The following TMEM45A variants were observed in gnomAD, a reference collection of about 807,000 sequenced individuals.
TMEM45A encodes the protein DNA polymerase-transactivated protein 4.
Under a neutral mutation model 32.0 loss-of-function variants are expected in TMEM45A, and 25 were observed. That is an observed-to-expected ratio of 0.78 (90% CI 0.57 to 1.09). The LOEUF is 1.09. TMEM45A is among the 50% of genes least tolerant of loss of function. TMEM45A has a pLI of 0.00. For synonymous variants in TMEM45A, 122 were observed against 114.8 expected (o/e 1.06, Z -0.40); for missense variants, 302 against 325.0 (o/e 0.93, Z 0.54).
At chr3:100,575,363 CTTTTTTTTTTTT>C (rs59739893) in intron 5 of TMEM45A, among the ~76,000 whole-genome samples, 8 of 62,706 alleles carry the variant, frequency 1.3e-4, no homozygotes, top group Admixed American at 4.4e-4. Context: ...TATGGATTCT[CTTTTTTTTTTTT>C]TTTTTTTTTT....
At chr3:100,545,372 A>G (rs954679821) in intron 1 of TMEM45A, among the ~76,000 whole-genome samples, 4 of 152,226 alleles carry the variant, frequency 2.6e-5, no homozygotes, top group African/African-American at 9.6e-5. Flanking sequence ...TTCTAAAAAC[A>G]TTAATAATTT....
At chr3:100,513,783 G>T (rs1200520711) in intron 1 of TMEM45A, among the ~76,000 whole-genome samples, 2 of 152,108 alleles carry the variant, frequency 1.3e-5, no homozygotes, top group Non-Finnish European at 2.9e-5. Context: ...CAAAGTCTCA[G>T]GATACAAAAT....
intron 1 of TMEM45A, among the ~76,000 whole-genome samples, chr3:100,535,763 G>C (rs1446334433): frequency 6.6e-6 from 1 of 152,258 alleles, no homozygotes; most frequent in East Asian, 1.9e-4. Flanking sequence ...AGTGACTTTT[G>C]TGTGAAAGTT....
intron 1 of TMEM45A, among the ~76,000 whole-genome samples, chr3:100,553,576 G>A (rs1706151895): frequency 6.6e-6 from 1 of 152,082 alleles, no homozygotes; most frequent in South Asian, 2.1e-4. Flanking sequence ...CCATATGATT[G>A]CCTAAACCAA....
intron 1 of TMEM45A, among the ~76,000 whole-genome samples, chr3:100,510,867 T>G (rs1327657254): frequency 1.3e-5 from 2 of 151,890 alleles, no homozygotes; most frequent in East Asian, 1.9e-4. Context: ...GGAAGAAAGG[T>G]TATCAGCAGT....
chr3:100,518,282 T>C (rs544623882), intron 1 of TMEM45A, among the ~76,000 whole-genome samples: 1 of 152,350 alleles, frequency 6.6e-6, no homozygotes, highest in Non-Finnish European at 1.5e-5. Context: ...ATTTCCTCAC[T>C]TTCTTCCAAG....
At chr3:100,496,526 C>T (rs1181834904) in intron 1 of TMEM45A, among the ~76,000 whole-genome samples, 2 of 152,166 alleles carry the variant, frequency 1.3e-5, no homozygotes, top group African/African-American at 4.8e-5. Context: ...AGCTGCTCTT[C>T]GTGTTTGTGG....
intron 4 of TMEM45A, among the ~76,000 whole-genome samples, chr3:100,559,079 A>T (rs997622105): frequency 6.6e-6 from 1 of 152,250 alleles, no homozygotes; most frequent in Non-Finnish European, 1.5e-5. Context: ...CAAGTCTCAT[A>T]CAATAACAGA....
At chr3:100,539,468 T>TATATGCATATGCATATGCATATGC (rs1559644544) in intron 1 of TMEM45A, among the ~76,000 whole-genome samples, 26 of 127,762 alleles carry the variant, frequency 2.0e-4, no homozygotes, top group Middle Eastern at 3.8e-3. Flanking sequence ...TATGTATATG[T>TATATGCATATGCATATGCATATGC]ATATGTATAT....
chr3:100,537,803 T>G (rs575816239), intron 1 of TMEM45A, among the ~76,000 whole-genome samples: 69 of 152,346 alleles, frequency 4.5e-4, no homozygotes, highest in African/African-American at 1.5e-3. Context: ...GTGATGCAAG[T>G]GAATGTGTCA....
At chr3:100,575,029 A>G (rs1316710484) in intron 5 of TMEM45A, among the ~76,000 whole-genome samples, 3 of 152,182 alleles carry the variant, frequency 2.0e-5, no homozygotes, top group Non-Finnish European at 2.9e-5. Flanking sequence ...GGCAGGCCAG[A>G]CTTTCATCAG....
intron 4 of TMEM45A, among the ~76,000 whole-genome samples, chr3:100,563,281 GT>G (rs1163501184): frequency 1.3e-5 from 2 of 152,154 alleles, no homozygotes; most frequent in Non-Finnish European, 1.5e-5. Context: ...CAGTCTTTGG[GT>G]TTAGAGCCAA....
chr3:100,513,364 A>G (rs1708201537), intron 1 of TMEM45A, among the ~76,000 whole-genome samples: 1 of 151,974 alleles, frequency 6.6e-6, no homozygotes, highest in African/African-American at 2.4e-5. Flanking sequence ...AACAGAACCA[A>G]AGACAAAAAC....
intron 1 of TMEM45A, among the ~76,000 whole-genome samples, chr3:100,545,829 TG>T (rs145925479): frequency 0.022 from 3,309 of 152,314 alleles, 124 homozygotes; most frequent in African/African-American, 0.075. Context: ...TTAGTGTTTT[TG>T]TGGTAGGCAG....
At chr3:100,505,877 C>T (rs1708072481) in intron 1 of TMEM45A, among the ~76,000 whole-genome samples, 1 of 152,178 alleles carries the variant, frequency 6.6e-6, no homozygotes, top group African/African-American at 2.4e-5. Flanking sequence ...GGGAAAGGAA[C>T]TCAAGTGCAA....
At chr3:100,523,917 G>C (rs1379172762) in intron 1 of TMEM45A, among the ~76,000 whole-genome samples, 1 of 152,220 alleles carries the variant, frequency 6.6e-6, no homozygotes, top group East Asian at 1.9e-4. Flanking sequence ...GAACTGCATA[G>C]AGCTAGAGAG....
intron 5 of TMEM45A, chr3:100,572,191 G>T (rs1194025353): frequency 6.6e-6 from 1 of 152,068 alleles, no homozygotes; most frequent in South Asian, 2.1e-4. Context: ...TTCCACAATG[G>T]TTGAACTAGT....
At chr3:100,548,012 G>A (rs1479624653) in intron 1 of TMEM45A, among the ~76,000 whole-genome samples, 1 of 152,146 alleles carries the variant, frequency 6.6e-6, no homozygotes. Context: ...ATGTTCCGTG[G>A]ATGGTTTTAG....
intron 1 of TMEM45A, among the ~76,000 whole-genome samples, chr3:100,546,947 GATA>G (rs1705990227): frequency 6.6e-6 from 1 of 152,126 alleles, no homozygotes; most frequent in Non-Finnish European, 1.5e-5. Flanking sequence ...CTATGGCAGA[GATA>G]ATAATACAGT....
Sources: gnomAD v4.1 joint callset for allele counts (sites outside exome capture counted in the v4.1 genomes callset) on GRCh38, gnomAD v4.1.1 for gene constraint, MANE v1.5 for transcripts, NCBI Gene and HGNC (gene_info 2026-07-23, HGNC 2026-07-21) for gene names.